The following CREBRF variants were observed in gnomAD, a reference collection of about 807,000 sequenced individuals.
The protein encoded by CREBRF is CREB3 regulatory factor.
Under a neutral mutation model 66.1 loss-of-function variants are expected in CREBRF, and 5 were observed. That is an observed-to-expected ratio of 0.08 (90% CI 0.04 to 0.16). CREBRF has a LOEUF of 0.16. CREBRF is among the 10% of genes least tolerant of loss of function. The probability of loss-of-function intolerance (pLI) is 1.00; values close to 1 mark genes in which losing one functional copy is unlikely to be tolerated. For synonymous variants in CREBRF, 229 were observed against 264.4 expected, an observed-to-expected ratio of 0.87 and a Z score of 1.30; for missense variants, 531 against 744.9, an observed-to-expected ratio of 0.71 and a Z score of 3.34.
At chr5:173,107,512 A>G (rs1416378979) in intron 4 of CREBRF, among the ~76,000 whole-genome samples, 1 of 152,220 alleles carries the variant, frequency 6.6e-6, no homozygotes, top group African/African-American at 2.4e-5. Flanking sequence ...CGTTAATACA[A>G]ATAGCTTTCA....
chr5:173,110,764 G>A lies in CREBRF; in HGVS notation c.1607+53G>A, dbSNP rs138967294. 2.8e-3 allele frequency: 3,772 copies of A among 1,358,540 alleles called. 5 individuals are homozygous for A. Among genetic ancestry groups the A allele is most frequent in the Non-Finnish European group, 3.4e-3 (3,332 of 991,908 alleles). The allele number at this position is 1,358,540 out of a possible 1,614,324, so 84.2% of individuals were successfully genotyped here. A position where few individuals can be genotyped will look rare whatever the true frequency, so the allele number is the denominator to read the frequency against. ...GAAGAAAGTTTAGGAGGTGAGGTTA[G>A]TCCCTAAGTGAGTTTTTATAGAAGG... is the stretch of plus-strand genomic sequence containing the variant. On this transcript the variant is annotated intron_variant, in intron 6 of 8. Transcript: ENST00000296953.
intron 1 of CREBRF, among the ~76,000 whole-genome samples, chr5:173,072,634 T>G (rs965734478): frequency 6.6e-6 from 1 of 151,250 alleles, no homozygotes; most frequent in African/African-American, 2.4e-5. Context: ...TCACAATGTT[T>G]CCAAGACCAG....
chr5:173,103,599 A>G lies in CREBRF; in HGVS notation c.1223-5025A>G, dbSNP rs1371069963. Among the ~76,000 whole-genome samples, 4 of 152,174 alleles carry G rather than the reference A, an allele frequency of 2.6e-5. No homozygotes were observed. In the East Asian group the frequency reaches 7.7e-4, roughly 29 times the overall value. Reference sequence around the variant, plus strand: ...AGCTCCCTTGATGCTGTTTCTTGGCACTTGGCTACAACAGTTCACGAGCCT... The same window carrying G: ...AGCTCCCTTGATGCTGTTTCTTGGCGCTTGGCTACAACAGTTCACGAGCCT... On this transcript the variant is annotated intron_variant, in intron 4 of 8. Transcript: ENST00000296953.
chr5:173,112,607 C>A (rs532889541), intron 7 of CREBRF, among the ~76,000 whole-genome samples: 1 of 152,304 alleles, frequency 6.6e-6, no homozygotes, highest in South Asian at 2.1e-4. Flanking sequence ...CATCTTTACA[C>A]TAACAAGCTG....
chr5:173,084,713 C>G (rs1187565694), intron 2 of CREBRF, among the ~76,000 whole-genome samples: 1 of 152,186 alleles, frequency 6.6e-6, no homozygotes, highest in Non-Finnish European at 1.5e-5. Flanking sequence ...ACGATCTCGG[C>G]TCACTGCAAG....
intron 1 of CREBRF, among the ~76,000 whole-genome samples, chr5:173,065,129 C>T (rs1757396673): frequency 6.6e-6 from 1 of 152,144 alleles, no homozygotes; most frequent in Non-Finnish European, 1.5e-5. Flanking sequence ...GATGGTTTTT[C>T]AGAACAAAAT....
rs1055625605 is a variant in CREBRF, at chr5:173,082,938, A to C, written c.9+2154A>C. Among the ~76,000 whole-genome samples, 10 of 131,034 alleles carry C rather than the reference A, an allele frequency of 7.6e-5. No individual in the cohort carries two copies. The South Asian group carries it at 1.1e-3, about 15-fold the overall frequency. 86.0% of individuals were successfully genotyped at this position (131,034 alleles called of 152,430 possible). ...AAAAAAAAAAAAAAAAAAAAAAAAA[A>C]AAAAAAAACCGGGTGCAGTGGCTTG... is the stretch of plus-strand genomic sequence containing the variant. On this transcript the variant is annotated intron_variant, in intron 2 of 8. Coordinates refer to ENST00000296953, the MANE Select transcript of CREBRF (RefSeq NM_153607.3).
At chr5:173,086,383 T>C in intron 2 of CREBRF, 118 bp from the exon 3 acceptor site, 1 of 913,478 alleles carries the variant, frequency 1.1e-6, no homozygotes, top group Non-Finnish European at 1.7e-6. Context: ...AAAAAAAGTA[T>C]AGAAATGTTT....
intron 8 of CREBRF, among the ~76,000 whole-genome samples, chr5:173,133,312 C>T (rs1381873947): frequency 6.6e-6 from 1 of 152,224 alleles, no homozygotes; most frequent in Non-Finnish European, 1.5e-5. Flanking sequence ...GCGTGGGAAG[C>T]AGTGCCTGTC....
At chr5:173,131,734 T>C (rs887201911) in intron 8 of CREBRF, among the ~76,000 whole-genome samples, 16 of 151,336 alleles carry the variant, frequency 1.1e-4, no homozygotes, top group African/African-American at 1.5e-4. Flanking sequence ...ACACACACTT[T>C]TTTTTGTTTG....
At chr5:173,058,066 A>C (rs942376975) in intron 1 of CREBRF, among the ~76,000 whole-genome samples, 3 of 151,648 alleles carry the variant, frequency 2.0e-5, no homozygotes, top group African/African-American at 7.3e-5. Flanking sequence ...AGAAAACAAG[A>C]CTTGGGTGTA....
intron 7 of CREBRF, among the ~76,000 whole-genome samples, chr5:173,117,031 A>T (rs1263395213): frequency 2.6e-5 from 4 of 151,768 alleles, no homozygotes; most frequent in African/African-American, 9.7e-5. Flanking sequence ...TTCTTTTGTG[A>T]AGTGTCTGTT....
At chr5:173,103,378 T>C (rs890839020) in intron 4 of CREBRF, among the ~76,000 whole-genome samples, 2 of 152,256 alleles carry the variant, frequency 1.3e-5, no homozygotes, top group Non-Finnish European at 2.9e-5. Context: ...CATTTGCTAG[T>C]AAAATTTTCT....
chr5:173,062,222 G>T, intron 1 of CREBRF, among the ~76,000 whole-genome samples: 1 of 152,162 alleles, frequency 6.6e-6, no homozygotes. Context: ...TTTTCTCCTG[G>T]CTTATTTGTC....
chr5:173,059,550 C>T (rs944779816), intron 1 of CREBRF, among the ~76,000 whole-genome samples: 3 of 152,264 alleles, frequency 2.0e-5, no homozygotes, highest in South Asian at 4.1e-4. Flanking sequence ...AGGCGTGAGC[C>T]ACCGCGCCTG....
chr5:173,089,461 G>A (rs536201364), intron 3 of CREBRF, among the ~76,000 whole-genome samples: 35 of 151,686 alleles, frequency 2.3e-4, no homozygotes, highest in African/African-American at 8.0e-4. Flanking sequence ...ATATATGGTG[G>A]GCAGTCTTTC....
intron 5 of CREBRF, chr5:173,110,297 T>G: frequency 3.2e-6 from 2 of 628,500 alleles, no homozygotes; most frequent in Non-Finnish European, 5.9e-6. Context: ...TGGAAAAAGT[T>G]AGAACTCTGC....
Position 173,090,682 on chromosome 5 carries a change from T to C in CREBRF, c.503T>C (p.Leu168Ser). The C allele has an allele frequency of 1.2e-6, 2 of 1,614,184 alleles. No homozygotes were observed. The highest frequency in any genetic ancestry group is 1.3e-5 in the African/African-American group (1 of 75,042). ...DSLFSVKQNP[L>S]PSSFPGKKIT... is the part of the protein sequence containing the mutation. ...CTTTTCAGTGTCAAACAAAATCCCT[T>C]ACCCTCTTCATTCCCTGGTAAAAAG... The change falls in exon 4 of 9, where the codon TTA becomes TCA. Residue 168 changes from leucine (L) to serine (S), a missense_variant. Leu to Ser is a moderately radical substitution (Grantham distance 145). Coordinates refer to ENST00000296953, the MANE Select transcript of CREBRF (RefSeq NM_153607.3). This position sits in a 1 kb window ranked among gnomAD's most constrained non-coding sequence, Gnocchi z 4.5.
rs1758156187 is a variant in CREBRF, at chr5:173,086,579, A to G, written c.88A>G (p.Thr30Ala). 3 of 1,613,978 alleles carry G rather than the reference A, an allele frequency of 1.9e-6. No homozygotes were observed. The East Asian group carries it at 6.7e-5, about 36-fold the overall frequency. ...CTTTTCGGAACAAACTCTGATGAGC[A>G]CAGATCTCTTAGCAAACAGTTCGGA... ...HTFSEQTLMS[T>A]DLLANSSDPD... Residue 30 changes from threonine (T) to alanine (A), a missense_variant, in exon 3 of 9, where the codon ACA (threonine) becomes GCA (alanine). By Grantham distance (58) the Thr-to-Ala change is moderately conservative. This residue lies in a region of CREBRF where 133 missense variants were observed against 215.6 expected (regional missense o/e 0.62). Transcript: ENST00000296953.
Sources: gnomAD v4.1 joint callset for allele counts (sites outside exome capture counted in the v4.1 genomes callset) on GRCh38, gnomAD v4.1.1 for gene constraint, gnomAD v4.1.1 regional missense constraint, Gnocchi (gnomAD v3.1) non-coding constraint, MANE v1.5 for transcripts, NCBI Gene and HGNC (gene_info 2026-07-23, HGNC 2026-07-21) for gene names.